Variants in CDH23 observed in about 807,000 individuals in gnomAD.
The protein encoded by CDH23 is cadherin-23.
A neutral mutation model predicts 317.1 loss-of-function variants in CDH23; 189 were observed. That is an observed-to-expected ratio of 0.60 (90% CI 0.53 to 0.67). CDH23 has a LOEUF of 0.67. Among genes scored for constraint, CDH23 ranks in the 30% least tolerant of loss-of-function variants. CDH23 has a pLI of 0.00. For synonymous variants in CDH23, 1,839 were observed against 1,876.8 expected, an observed-to-expected ratio of 0.98 and a Z score of 0.52; for missense variants, 4,401 against 4,592.4, an observed-to-expected ratio of 0.96 and a Z score of 1.20.
At chr10:71,442,988 A>C (rs1849966923) in intron 2 of CDH23, among the ~76,000 whole-genome samples, 1 of 152,156 alleles carries the variant, frequency 6.6e-6, no homozygotes. Context: ...GATCTGCCTA[A>C]GCTCCCCAGC....
At chr10:71,540,259 G>A (rs944490425) in intron 6 of CDH23, among the ~76,000 whole-genome samples, 2 of 152,156 alleles carry the variant, frequency 1.3e-5, no homozygotes, top group Non-Finnish European at 2.9e-5. Flanking sequence ...CCTCTTATCA[G>A]CCCAGACCCT....
Position 71,487,098 on chromosome 10 carries a change from GC to G in CDH23, c.146-22982del, listed in dbSNP as rs1852391488. ...CCAGCTGTTTCCCCTGCCTGGAATG[GC>G]CTTCTCTGCTCTCTCACCTCTCACC... is the stretch of plus-strand genomic sequence containing the variant. On this transcript the variant is annotated intron_variant, in intron 3 of 69. Transcript: ENST00000224721. 2.0e-5 allele frequency among the ~76,000 whole-genome samples: 3 copies of G among 152,246 alleles called. No homozygotes were observed. The South Asian group carries it at 6.2e-4, about 32-fold the overall frequency.
intron 1 of CDH23, among the ~76,000 whole-genome samples, chr10:71,422,166 T>TG (rs1848848761): frequency 6.6e-6 from 1 of 152,194 alleles, no homozygotes; most frequent in Admixed American, 6.5e-5. Flanking sequence ...TGGGACATTG[T>TG]GGGGCAGCCC....
intron 9 of CDH23, among the ~76,000 whole-genome samples, chr10:71,597,141 G>A (rs1289739663): frequency 1.3e-5 from 2 of 150,774 alleles, no homozygotes; most frequent in East Asian, 3.9e-4. Context: ...ATTTAGGGGA[G>A]TTCTCCAGGT....
intron 4 of CDH23, 63 bp from the exon 5 acceptor site, chr10:71,510,891 G>GC: frequency 6.4e-7 from 1 of 1,557,350 alleles, no homozygotes; most frequent in South Asian, 1.1e-5. Context: ...CCCATTTAGG[G>GC]CCCAGGACCC....
In CDH23 at chr10:71,695,324, T is replaced by C. The variant is rs145263672; in HGVS notation, c.2290-94T>C. On this transcript the variant is annotated intron_variant, in intron 21 of 69. Coordinates refer to ENST00000224721, the MANE Select transcript of CDH23 (RefSeq NM_022124.6). ...GAGCTGGCAGAATTAATGCGAAGAT[T>C]GCCCGTGGGCATCTGAGCACTTTTC... 1.6e-3 allele frequency: 1,427 copies of C among 865,242 alleles called. 9 individuals carry two copies. The African/African-American group carries it at 0.021, about 13-fold the overall frequency. The allele number at this position is 865,242 out of a possible 1,614,324, so 53.6% of individuals were successfully genotyped here. A position where few individuals can be genotyped will look rare whatever the true frequency, so the allele number is the denominator to read the frequency against.
At chr10:71,421,266 C>T (rs55947770) in intron 1 of CDH23, among the ~76,000 whole-genome samples, 1 of 152,232 alleles carries the variant, frequency 6.6e-6, no homozygotes, top group African/African-American at 2.4e-5. Context: ...CTCCTGCTCC[C>T]TGCCCAGCCC....
chr10:71,710,502 G>A (rs1263163922), intron 27 of CDH23, among the ~76,000 whole-genome samples: 2 of 152,232 alleles, frequency 1.3e-5, no homozygotes, highest in Non-Finnish European at 2.9e-5. Flanking sequence ...TGCTGGTGAG[G>A]TGGATGGCTA....
intron 62 of CDH23, 36 bp from the exon 63 acceptor site, chr10:71,811,279 T>C: frequency 6.2e-7 from 1 of 1,613,436 alleles, no homozygotes; most frequent in South Asian, 1.1e-5. Flanking sequence ...GGGGAATGGC[T>C]GAGGAGGAGA....
At chr10:71,695,711 A>G (rs1865361851) in intron 22 of CDH23, among the ~76,000 whole-genome samples, 186 bp downstream of exon 22, 1 of 152,224 alleles carries the variant, frequency 6.6e-6, no homozygotes, top group Non-Finnish European at 1.5e-5. Context: ...GTCAAGGGAA[A>G]GCCCTCATCC....
intron 3 of CDH23, among the ~76,000 whole-genome samples, chr10:71,496,754 C>G (rs1317208428): frequency 3.3e-5 from 5 of 152,192 alleles, no homozygotes; most frequent in Non-Finnish European, 5.9e-5. Context: ...TGGAATCACT[C>G]GAGTGGTTCA....
At chr10:71,410,640 A>G (rs140290857) in intron 1 of CDH23, among the ~76,000 whole-genome samples, 1,863 of 152,350 alleles carry the variant, frequency 0.012, 17 homozygotes, top group Middle Eastern at 0.02. Flanking sequence ...AGTGATTACC[A>G]GAGCCATTAC....
Position 71,807,702 on chromosome 10 carries a change from T to G in CDH23, c.8495T>G (p.Val2832Gly), listed in dbSNP as rs1589435338. The G allele has an allele frequency of 6.2e-7, 1 of 1,612,498 alleles. No homozygotes were observed. The highest frequency in any genetic ancestry group is 2.2e-5 in the East Asian group (1 of 44,802). ...GTTGCTGACCTCACACTGCAGGAGG[T>G]GCGCGTTGTGCTAGAGGACATCAAC... is the stretch of plus-strand genomic sequence containing the variant. ...DLVADLTLQE[V>G]RVVLEDINDQ... The change falls in exon 59 of 70, where the codon GTG becomes GGG. Residue 2832 changes from valine to glycine, a missense_variant. This residue lies in a region of CDH23 where 1,144 missense variants were observed against 1,138.2 expected (regional missense o/e 1.01). Transcript: ENST00000224721.
At chr10:71,640,287 C>T (rs143018943) in intron 11 of CDH23, among the ~76,000 whole-genome samples, 2 of 152,302 alleles carry the variant, frequency 1.3e-5, no homozygotes, top group Non-Finnish European at 2.9e-5. Context: ...CCGCCCCAGC[C>T]GACACATGGT....
intron 14 of CDH23, among the ~76,000 whole-genome samples, chr10:71,648,454 C>T (rs1171894823): frequency 6.6e-6 from 1 of 152,232 alleles, no homozygotes; most frequent in Non-Finnish European, 1.5e-5. Flanking sequence ...AGTGTCAGAT[C>T]CAGGCTTAGT....
intron 9 of CDH23, among the ~76,000 whole-genome samples, chr10:71,605,616 C>CA (rs1860485631): frequency 6.6e-6 from 1 of 151,964 alleles, no homozygotes; most frequent in African/African-American, 2.4e-5. Context: ...TTTTTTAAGC[C>CA]AAAAAAAGTA....
rs768771335 is a variant in CDH23, at chr10:71,694,196, C to T, written c.2226C>T (p.Tyr742=). The T allele has an allele frequency of 1.2e-6, 2 of 1,613,744 alleles. No individual in the cohort carries two copies. The highest frequency in any genetic ancestry group is 1.7e-5 in the Admixed American group (1 of 60,016). Residue 742 remains tyrosine (Y), a synonymous_variant, in exon 21 of 70, where the codon TAC becomes TAT. Coordinates refer to ENST00000224721, the MANE Select transcript of CDH23 (RefSeq NM_022124.6). ...TTGACCGAGAGACCAAGTCTGAATA[C>T]ATCCTCATCGTTCGCGCAGTGGACG... ...SLLDRETKSE[Y]ILIVRAVDGG...
intron 11 of CDH23, among the ~76,000 whole-genome samples, chr10:71,635,569 T>A (rs1439690691): frequency 6.6e-6 from 1 of 151,368 alleles, no homozygotes; most frequent in Non-Finnish European, 1.5e-5. Flanking sequence ...ATTCAGCAGA[T>A]AACCTGCGGA....
chr10:71,640,633 A>G (rs1039750549), intron 11 of CDH23, among the ~76,000 whole-genome samples: 1 of 152,232 alleles, frequency 6.6e-6, no homozygotes, highest in Non-Finnish European at 1.5e-5. Context: ...CTGTAATCCC[A>G]GCTACTCGGG....
Sources: gnomAD v4.1 joint callset for allele counts (sites outside exome capture counted in the v4.1 genomes callset) on GRCh38, gnomAD v4.1.1 for gene constraint, gnomAD v4.1.1 regional missense constraint, MANE v1.5 for transcripts, NCBI Gene and HGNC (gene_info 2026-07-23, HGNC 2026-07-21) for gene names.